Variants in TGFBR3 observed in about 807,000 individuals in gnomAD.
TGFBR3 encodes transforming growth factor beta receptor 3.
In TGFBR3, 46 loss-of-function variants were observed where a neutral mutation model predicts 87.9. The ratio of observed to expected loss-of-function variants is 0.52; its 90% CI spans 0.41 to 0.67. TGFBR3 has a LOEUF of 0.67. Ranked by LOEUF, TGFBR3 falls within the 30% of genes least tolerant of loss-of-function variation. TGFBR3 has a pLI of 0.00. For missense variants in TGFBR3, 866 were observed against 1,041.9 expected, an observed-to-expected ratio of 0.83 and a Z score of 2.32; for synonymous variants, 381 against 391.6, an observed-to-expected ratio of 0.97 and a Z score of 0.32.
intron 5 of TGFBR3, among the ~76,000 whole-genome samples, chr1:91,733,189 G>C (rs78553986): frequency 0.014 from 2,104 of 152,266 alleles, 55 homozygotes; most frequent in African/African-American, 0.048. Flanking sequence ...GTTCATCCAG[G>C]TGGACCACTT....
At chr1:91,746,933 G>T (rs1046490939) in intron 4 of TGFBR3, among the ~76,000 whole-genome samples, 1 of 152,152 alleles carries the variant, frequency 6.6e-6, no homozygotes, top group Non-Finnish European at 1.5e-5. Flanking sequence ...GAAATCAGTA[G>T]TGTAGGGTAG....
At chr1:91,772,247 AC>A (rs1007653150) in intron 3 of TGFBR3, among the ~76,000 whole-genome samples, 1 of 152,226 alleles carries the variant, frequency 6.6e-6, no homozygotes, top group African/African-American at 2.4e-5. Context: ...TAACCACATT[AC>A]TGCACTGATT....
intron 4 of TGFBR3, among the ~76,000 whole-genome samples, 194 bp downstream of exon 4, chr1:91,758,419 A>G (rs284176): frequency 0.68 from 103,072 of 152,016 alleles, 35,078 homozygotes; most frequent in Middle Eastern, 0.71. Flanking sequence ...GAAGATGGGC[A>G]GGTGTGTCTG....
At chr1:91,793,731 G>A (rs772415146) in intron 3 of TGFBR3, among the ~76,000 whole-genome samples, 6 of 150,974 alleles carry the variant, frequency 4.0e-5, no homozygotes, top group South Asian at 2.1e-4. Flanking sequence ...GCTTGAACCC[G>A]GGAGGTGGAG....
At chr1:91,751,940 A>C (rs1355083908) in intron 4 of TGFBR3, among the ~76,000 whole-genome samples, 1 of 152,228 alleles carries the variant, frequency 6.6e-6, no homozygotes, top group Non-Finnish European at 1.5e-5. Flanking sequence ...CTATCAAAGA[A>C]TCACAGAGTT....
chr1:91,717,277 G>A (rs1672207542), intron 10 of TGFBR3, among the ~76,000 whole-genome samples: 3 of 152,172 alleles, frequency 2.0e-5, no homozygotes, highest in African/African-American at 7.2e-5. Flanking sequence ...AGGACCTAAT[G>A]TTTACTATGG....
At chr1:91,723,975 T>C (rs1038497579) in intron 7 of TGFBR3, among the ~76,000 whole-genome samples, 3 of 152,196 alleles carry the variant, frequency 2.0e-5, no homozygotes, top group African/African-American at 7.2e-5. Flanking sequence ...TTGTGGGATA[T>C]TGGCTGAAGC....
chr1:91,892,857 G>T (rs1571609942), intron 2 of TGFBR3, among the ~76,000 whole-genome samples: 1 of 152,326 alleles, frequency 6.6e-6, no homozygotes, highest in East Asian at 1.9e-4. Flanking sequence ...TTGCATCTGT[G>T]TGGTATTTCA....
intron 3 of TGFBR3, among the ~76,000 whole-genome samples, chr1:91,760,794 G>A (rs983909255): frequency 6.6e-6 from 1 of 152,262 alleles, no homozygotes; most frequent in Admixed American, 6.5e-5. Context: ...GATGCTGTCC[G>A]CATCTAGAAA....
At chr1:91,812,487 C>T (rs539032156) in intron 2 of TGFBR3, among the ~76,000 whole-genome samples, 2 of 152,210 alleles carry the variant, frequency 1.3e-5, no homozygotes, top group East Asian at 1.9e-4. Context: ...TCCTGAAACT[C>T]GCTTATTGTA....
At chr1:91,840,089 C>T (rs1677210628) in intron 2 of TGFBR3, among the ~76,000 whole-genome samples, 1 of 151,734 alleles carries the variant, frequency 6.6e-6, no homozygotes, top group South Asian at 2.1e-4. Context: ...GCAGGTGGAT[C>T]ACCTGAGGTC....
intron 14 of TGFBR3, among the ~76,000 whole-genome samples, chr1:91,703,764 G>A (rs1170745359): frequency 6.6e-6 from 1 of 152,162 alleles, no homozygotes; most frequent in East Asian, 1.9e-4. Context: ...AAATAGGGTA[G>A]GATGGCACCA....
At chr1:91,837,826 C>G (rs952032162) in intron 2 of TGFBR3, among the ~76,000 whole-genome samples, 1 of 152,090 alleles carries the variant, frequency 6.6e-6, no homozygotes, top group African/African-American at 2.4e-5. Context: ...TTTAAAGGAG[C>G]AGTGAAAGAA....
chr1:91,883,540 G>T (rs1679180966), intron 1 of TGFBR3, among the ~76,000 whole-genome samples: 3 of 152,082 alleles, frequency 2.0e-5, no homozygotes, highest in Admixed American at 1.3e-4. Context: ...CTAAAAACGG[G>T]TTTATGCGCC....
chr1:91,822,411 T>C (rs1164588897), intron 2 of TGFBR3, among the ~76,000 whole-genome samples: 2 of 151,566 alleles, frequency 1.3e-5, no homozygotes, highest in African/African-American at 4.9e-5. Flanking sequence ...TCAAATCCCT[T>C]TAGAATCAAC....
intron 3 of TGFBR3, 140 bp from the exon 4 acceptor site, chr1:91,758,890 G>T (rs1373423033): frequency 2.8e-6 from 3 of 1,074,136 alleles, no homozygotes; most frequent in Non-Finnish European, 4.2e-6. Flanking sequence ...CTATGAATAA[G>T]ATACATTAAG....
At chr1:91,900,755 G>T (rs1297820652) in intron 1 of TGFBR3, among the ~76,000 whole-genome samples, 6 of 152,222 alleles carry the variant, frequency 3.9e-5, no homozygotes, top group Non-Finnish European at 7.3e-5. Flanking sequence ...TGACAGCAAA[G>T]CTGAATCATC....
intron 10 of TGFBR3, among the ~76,000 whole-genome samples, 190 bp downstream of exon 10, chr1:91,719,122 C>T (rs567376968): frequency 6.6e-6 from 1 of 152,264 alleles, no homozygotes; most frequent in African/African-American, 2.4e-5. Flanking sequence ...CAAAGACTCA[C>T]CAATAAAACA....
At chr1:91,728,662 C>T (rs530742454) in intron 6 of TGFBR3, among the ~76,000 whole-genome samples, 2 of 152,286 alleles carry the variant, frequency 1.3e-5, no homozygotes, top group South Asian at 2.1e-4. Context: ...TGCTCCTATT[C>T]CCATTCCCTT....
Sources: allele counts gnomAD v4.1 joint callset (sites outside exome capture counted in the v4.1 genomes callset), GRCh38; gene constraint gnomAD v4.1.1; transcripts MANE v1.5; gene names NCBI Gene and HGNC (gene_info 2026-07-23, HGNC 2026-07-21).